The following CPLANE1 variants were observed in gnomAD, a reference collection of about 807,000 sequenced individuals.
The protein encoded by CPLANE1 is ciliogenesis and planar polarity effector complex subunit 1.
A neutral mutation model predicts 362.5 loss-of-function variants in CPLANE1; 263 were observed. That is an observed-to-expected ratio of 0.73 (90% CI 0.66 to 0.80). CPLANE1 has a LOEUF of 0.80. Ranked by LOEUF, CPLANE1 falls within the 30% of genes least tolerant of loss-of-function variation. CPLANE1 has a pLI of 0.00. For synonymous variants in CPLANE1, 1,212 were observed against 1,302.6 expected (o/e 0.93, Z 1.50); for missense variants, 3,461 against 3,793.4 (o/e 0.91, Z 2.30).
rs1173575747 is a variant in CPLANE1, at chr5:37,213,543, T to G, written c.2920+16A>C. ...AATGCAAAAAAAGTTTAAAAAGGAT[T>G]TGTTTACTACATTACCTGTTTTAAT... On this transcript the variant is annotated intron_variant, in intron 16 of 52. Transcript: ENST00000651892. 6 of 1,492,936 alleles carry G rather than the reference T, an allele frequency of 4.0e-6. No individual in the cohort carries two copies. The African/African-American group carries it at 7.0e-5, about 17-fold the overall frequency. 92.5% of individuals were successfully genotyped at this position (1,492,936 alleles called of 1,614,324 possible).
chr5:37,141,788 G>A (rs1008274455), intron 44 of CPLANE1: 23 of 979,646 alleles, frequency 2.3e-5, no homozygotes, highest in Non-Finnish European at 2.8e-5. Context: ...AGTTTTAATT[G>A]CTACCTCCAA....
chr5:37,104,286 T>G (rs553683373), downstream of CPLANE1, among the ~76,000 whole-genome samples: 2 of 152,176 alleles, frequency 1.3e-5, no homozygotes, highest in Non-Finnish European at 2.9e-5. Flanking sequence ...GGTTCTTAGA[T>G]TCTTTGCACT....
At chr5:37,203,014 T>C (rs1789655564) in intron 18 of CPLANE1, among the ~76,000 whole-genome samples, 1 of 151,922 alleles carries the variant, frequency 6.6e-6, no homozygotes, top group Non-Finnish European at 1.5e-5. Flanking sequence ...AATTTGCTCC[T>C]AAATTGGTTT....
chr5:37,180,585 G>A (rs1270867129), intron 27 of CPLANE1, among the ~76,000 whole-genome samples: 1 of 152,148 alleles, frequency 6.6e-6, no homozygotes, highest in Non-Finnish European at 1.5e-5. Context: ...TGGATGAAAG[G>A]ATTAGTTCAA....
Position 37,108,307 on chromosome 5 carries a change from T to A in CPLANE1, c.9565A>T (p.Asn3189Tyr), listed in dbSNP as rs1257693653. Residue 3189 changes from asparagine to tyrosine, a missense_variant, in exon 52 of 53, where the codon AAT becomes TAT. By Grantham distance (143) the Asn-to-Tyr change is moderately radical. This residue lies in a region of CPLANE1 where 81 missense variants were observed against 127.3 expected (regional missense o/e 0.64). Coordinates refer to ENST00000651892, the MANE Select transcript of CPLANE1 (RefSeq NM_001384732.1). ...EIHKILHESH[N>Y]SLLQDLSPTE... ...ACAATGCTTACTTGTAGAAGGGAATTGTGACTCTCATGAAGAATCTTATGG... is the reference window on the plus strand; with the variant it reads ...ACAATGCTTACTTGTAGAAGGGAATAGTGACTCTCATGAAGAATCTTATGG... 1 of 1,613,884 alleles carries A rather than the reference T, an allele frequency of 6.2e-7. No homozygotes were observed. Among genetic ancestry groups the A allele is most frequent in the African/African-American group, 1.3e-5 (1 of 74,950 alleles).
At chr5:37,212,437 A>G in intron 16 of CPLANE1, 1 of 737,540 alleles carries the variant, frequency 1.4e-6, no homozygotes, top group Non-Finnish European at 2.5e-6. Context: ...CATAACATTT[A>G]CTCCTTTGTA....
chr5:37,120,371 C>A (rs1311178111), intron 49 of CPLANE1, 31 bp from the exon 50 acceptor site: 3 of 1,527,624 alleles, frequency 2.0e-6, no homozygotes, highest in African/African-American at 1.4e-5. Flanking sequence ...TTATTACATT[C>A]CCAGAATCTC....
chr5:37,172,336 G>A (rs561904622), intron 32 of CPLANE1, among the ~76,000 whole-genome samples: 3 of 152,272 alleles, frequency 2.0e-5, no homozygotes, highest in East Asian at 1.9e-4. Flanking sequence ...GGCTATTACC[G>A]ACATATAGTA....
At chr5:37,076,336 G>GTTTTT in the CPLANE1 span, among the ~76,000 whole-genome samples, 1 of 150,760 alleles carries the variant, frequency 6.6e-6, no homozygotes, top group Non-Finnish European at 1.5e-5. Context: ...TTTTGTTTTT[G>GTTTTT]TTTTTTTGAG....
chr5:37,157,788 T>C lies in CPLANE1; in HGVS notation c.7893A>G (p.Ser2631=). ...TTTGCTGTTTGATAACATTATCATT[T>C]GAAGGCTCTTCTCTCACAGGTAATT... ...LQELPVREEP[S]NDNVIKQQSD... Residue 2631 remains serine (S), a synonymous_variant, in exon 40 of 53, where the codon TCA becomes TCG. Transcript: ENST00000651892. The C allele has an allele frequency of 6.2e-7, 1 of 1,613,844 alleles. No homozygotes were observed. Among genetic ancestry groups the C allele is most frequent in the Non-Finnish European group, 8.5e-7 (1 of 1,179,810 alleles).
At chr5:37,160,417 T>C (rs1005498863) in intron 38 of CPLANE1, among the ~76,000 whole-genome samples, 1 of 151,796 alleles carries the variant, frequency 6.6e-6, no homozygotes, top group Non-Finnish European at 1.5e-5. Context: ...TAGCCAGGCG[T>C]GGTGGAGGTC....
At chr5:37,152,780 T>C (rs1428523947) in intron 42 of CPLANE1, among the ~76,000 whole-genome samples, 2 of 152,096 alleles carry the variant, frequency 1.3e-5, no homozygotes, top group East Asian at 1.9e-4. Context: ...TCCCAGGTAC[T>C]CAGGAGGCTG....
At position 37,180,908 on chromosome 5, in the gene CPLANE1, C is replaced by A; in HGVS notation, c.5519G>T (p.Gly1840Val). 6.2e-7 allele frequency: 1 copy of A among 1,614,088 alleles called. No individual in the cohort carries two copies. Among genetic ancestry groups the A allele is most frequent in the Non-Finnish European group, 8.5e-7 (1 of 1,179,956 alleles). The change falls in exon 27 of 53, where the codon GGT becomes GTT. Residue 1840 changes from glycine to valine, a missense_variant. Gly to Val is a moderately radical substitution (Grantham distance 109). Transcript: ENST00000651892. Reference sequence around the variant, plus strand: ...CTGACCATTTCTTTCCTCAGTTCCACCTGGAGTTGCTACTGCAACTGAACC... The same window carrying A: ...CTGACCATTTCTTTCCTCAGTTCCAACTGGAGTTGCTACTGCAACTGAACC... ...AGGSVAVATP[G>V]GTEERNGQNK...
chr5:37,159,945 A>C (rs959660040), intron 38 of CPLANE1, among the ~76,000 whole-genome samples: 2 of 152,176 alleles, frequency 1.3e-5, no homozygotes, highest in Non-Finnish European at 2.9e-5. Flanking sequence ...CTTATCTTGT[A>C]GTACATTAAA....
intron 18 of CPLANE1, chr5:37,205,081 C>T (rs1489670769): frequency 1.1e-4 from 25 of 235,874 alleles, no homozygotes; most frequent in Admixed American, 7.8e-4. Flanking sequence ...TGCTTGAACC[C>T]GGCAGGTAGA....
At chr5:37,113,660 G>C (rs1760022027) in intron 51 of CPLANE1, among the ~76,000 whole-genome samples, 1 of 152,168 alleles carries the variant, frequency 6.6e-6, no homozygotes, top group African/African-American at 2.4e-5. Context: ...TTAAACAATG[G>C]ATTAGACATA....
chr5:37,248,253 G>A (rs546030901), intron 1 of CPLANE1, among the ~76,000 whole-genome samples: 83 of 151,780 alleles, frequency 5.5e-4, no homozygotes, highest in African/African-American at 2.0e-3. Flanking sequence ...TCAGCCTCCC[G>A]AGTAGCTGGG....
chr5:37,121,788 T>G lies in CPLANE1; in HGVS notation c.9018-4A>C. ...ATAGTGTTCAGAGAGCAGCAATCTG[T>G]AGACAAAGAATTAAGCATCATTTAT... On this transcript the variant is annotated splice_polypyrimidine_tract_variant and splice_region_variant and intron_variant, in intron 48 of 52. Coordinates refer to ENST00000651892, the MANE Select transcript of CPLANE1 (RefSeq NM_001384732.1). The G allele has an allele frequency of 6.2e-7, 1 of 1,611,522 alleles. No homozygotes were observed. The highest frequency in any genetic ancestry group is 8.5e-7 in the Non-Finnish European group (1 of 1,177,838).
chr5:37,112,631 A>G (rs1338962852), intron 51 of CPLANE1, among the ~76,000 whole-genome samples: 2 of 152,218 alleles, frequency 1.3e-5, no homozygotes, highest in South Asian at 4.1e-4. Context: ...AACACCAAAC[A>G]GTGTCTACAG....
Sources: gnomAD v4.1 joint callset for allele counts (sites outside exome capture counted in the v4.1 genomes callset) on GRCh38, gnomAD v4.1.1 for gene constraint, gnomAD v4.1.1 regional missense constraint, MANE v1.5 for transcripts, NCBI Gene and HGNC (gene_info 2026-07-23, HGNC 2026-07-21) for gene names.